Variants in SYT5 observed in about 807,000 individuals in gnomAD.
SYT5 encodes the protein synaptotagmin 5, also known as synaptotagmin-5.
SYT5 carries 29 observed loss-of-function variants against 36.0 expected under a neutral mutation model. That is an observed-to-expected ratio of 0.81 (90% confidence interval 0.60 to 1.10). The LOEUF is 1.10. SYT5 is among the 50% of genes least tolerant of loss of function. The pLI is 0.00. For synonymous variants in SYT5, 231 were observed against 227.6 expected, an observed-to-expected ratio of 1.02 and a Z score of -0.14; for missense variants, 512 against 516.0, an observed-to-expected ratio of 0.99 and a Z score of 0.08.
chr19:55,178,113 G>A (rs2086097245), intron 3 of SYT5, 83 bp downstream of exon 3: 1 of 1,479,394 alleles, frequency 6.8e-7, no homozygotes, highest in Non-Finnish European at 9.1e-7. Flanking sequence ...GGACAGAAGG[G>A]AGCAGGGACT....
At chr19:55,176,391 G>C (rs949805153) in intron 3 of SYT5, 4 of 488,658 alleles carry the variant, frequency 8.2e-6, no homozygotes, top group Non-Finnish European at 1.5e-5. Flanking sequence ...ATTAAAACAA[G>C]TGCTGATAGT....
At chr19:55,176,368 T>G in intron 3 of SYT5, 1 of 537,002 alleles carries the variant, frequency 1.9e-6, no homozygotes. Context: ...AGACATGTGC[T>G]TGTCATGCTT....
rs5828614 is a variant in SYT5 at position 55,178,753 on chromosome 19, A to ATTTT, written c.79+206_79+209dup. On this transcript the variant is annotated intron_variant, in intron 2 of 8. Transcript: ENST00000354308. ...TGCAACACCCCTTGATCCGGTTTCG[A>ATTTT]TTTTTTTTTTTTTTTTTTTTTTTTT... 6.5e-4 allele frequency among the ~76,000 whole-genome samples: 33 copies of ATTTT among 50,486 alleles called. 2 individuals carry two copies. Among genetic ancestry groups the ATTTT allele is most frequent in the African/African-American group, 2.9e-3 (30 of 10,288 alleles). The allele number at this position is 50,486 out of a possible 152,430, so 33.1% of individuals were successfully genotyped here. A position where few individuals can be genotyped will look rare whatever the true frequency, so the allele number is the denominator to read the frequency against.
chr19:55,174,171 C>T (rs1843919646), intron 8 of SYT5: 2 of 221,380 alleles, frequency 9.0e-6, no homozygotes, highest in Non-Finnish European at 1.8e-5. Flanking sequence ...GCATCCTGGT[C>T]CTGCTTGGGG....
Position 55,173,597 on chromosome 19 carries a change from C to T in SYT5, c.1048G>A (p.Gly350Ser). The T allele has an allele frequency of 6.8e-7, 1 of 1,478,554 alleles. No homozygotes were observed. Among genetic ancestry groups the T allele is most frequent in the Non-Finnish European group, 9.0e-7 (1 of 1,115,090 alleles). 91.6% of individuals were successfully genotyped at this position (1,478,554 alleles called of 1,614,324 possible). A position where few individuals can be genotyped will look rare whatever the true frequency, so the allele number is the denominator to read the frequency against. ...IGRVAVGAAA[G>S]GAGLRHWADM... ...GCCCAGTGCCGCAGGCCAGCCCCGC[C>T]GGCGGCCGCCCCCACGGCCACCCTC... Residue 350 changes from glycine to serine, a missense_variant, in exon 9 of 9, where the codon GGC (glycine) becomes AGC (serine). Physicochemically the swap from Gly to Ser is moderately conservative, Grantham distance 56 (BLOSUM62 0). Coordinates refer to ENST00000354308, the MANE Select transcript of SYT5 (RefSeq NM_003180.3). This position sits in a 1 kb window ranked among gnomAD's most constrained non-coding sequence, Gnocchi z 5.4.
In SYT5 at chr19:55,179,196, C is replaced by T. The variant is rs1034862806; in HGVS notation, c.-45-110G>A. ...AGCCGCGCAGAAACCGGACAGCCAC[C>T]GCGAGTCATGCTGGGAGTTGTAGTA... On this transcript the variant is annotated intron_variant, in intron 1 of 8. Transcript: ENST00000354308. The surrounding 1 kb of genome is among the most constrained non-coding windows in gnomAD (Gnocchi z 4.5). The T allele has an allele frequency of 1.0e-5, 16 of 1,532,204 alleles. No individual in the cohort carries two copies. The highest frequency in any genetic ancestry group is 2.7e-5 in the African/African-American group (2 of 72,812). The allele number at this position is 1,532,204 out of a possible 1,614,324, so 94.9% of individuals were successfully genotyped here.
At chr19:55,178,671 T>C (rs1481834909) in intron 2 of SYT5, among the ~76,000 whole-genome samples, 1 of 151,830 alleles carries the variant, frequency 6.6e-6, no homozygotes, top group Non-Finnish European at 1.5e-5. Flanking sequence ...TCGGGCCTGT[T>C]TCCTTATCTG....
chr19:55,178,859 AT>A, intron 2 of SYT5, 103 bp downstream of exon 2: 1 of 1,113,094 alleles, frequency 9.0e-7, no homozygotes, highest in South Asian at 2.3e-5. Flanking sequence ...TCCCAGCCGG[AT>A]TTTCCAGCCC....
At position 55,175,285 on chromosome 19, in the gene SYT5, C is replaced by G; in HGVS notation, c.595G>C (p.Asp199His). Residue 199 changes from aspartate to histidine, a missense_variant, in exon 6 of 9, where the codon GAC (aspartate) becomes CAC (histidine). Physicochemically the swap from Asp to His is moderately conservative, Grantham distance 81. Coordinates refer to ENST00000354308, the MANE Select transcript of SYT5 (RefSeq NM_003180.3). This position sits in a 1 kb window ranked among gnomAD's most constrained non-coding sequence, Gnocchi z 4.5. The stretch of plus-strand genomic sequence containing the variant: ...ATGGCGTCATTGCGAGAGAAGCGGT[C>G]GAAGTCGTACACCGCCATGACCAGC... ...RVLVMAVYDF[D>H]RFSRNDAIGE... 2 of 1,592,620 alleles carry G rather than the reference C, an allele frequency of 1.3e-6. No individual in the cohort carries two copies. The highest frequency in any genetic ancestry group is 1.7e-4 in the Middle Eastern group (1 of 5,968).
Position 55,175,472 on chromosome 19 carries a change from A to G in SYT5, c.541-133T>C. The G allele has an allele frequency of 8.7e-7, 1 of 1,152,496 alleles. No individual in the cohort carries two copies. The highest frequency in any genetic ancestry group is 1.2e-6 in the Non-Finnish European group (1 of 838,502). The allele number at this position is 1,152,496 out of a possible 1,614,324, so 71.4% of individuals were successfully genotyped here. On this transcript the variant is annotated intron_variant, in intron 5 of 8. Coordinates refer to ENST00000354308, the MANE Select transcript of SYT5 (RefSeq NM_003180.3). The surrounding 1 kb of genome is among the most constrained non-coding windows in gnomAD (Gnocchi z 4.5). ...ACAGTTGGGGGAACTCAAATGGGAA[A>G]GTCCAGGGATCCATGCGGAAAAAAA...
Position 55,172,616 on chromosome 19 carries a change from G to A in SYT5, c.*868C>T, listed in dbSNP as rs1568873966. The stretch of plus-strand genomic sequence containing the variant: ...TCTGGAGATTGTATTCCCTGGCTCC[G>A]CGCCTCTCCTTTGTTTTGATGGCAG... On this transcript the variant is annotated 3_prime_UTR_variant, in exon 9 of 9. Transcript: ENST00000354308. The A allele has an allele frequency of 6.6e-6, 1 of 152,160 alleles. No individual in the cohort carries two copies. The highest frequency in any genetic ancestry group is 2.4e-5 in the African/African-American group (1 of 41,412). 9.4% of individuals were successfully genotyped at this position (152,160 alleles called of 1,614,324 possible).
chr19:55,178,045 G>T, intron 3 of SYT5, 151 bp downstream of exon 3: 1 of 873,170 alleles, frequency 1.1e-6, no homozygotes, highest in Non-Finnish European at 1.7e-6. Flanking sequence ...TGGGTCCCCA[G>T]AGTCCAGTTG....
In SYT5 at chr19:55,175,490, G is replaced by GA. The variant is rs770562373; in HGVS notation, c.541-152dup. ...ATGGGAAAGTCCAGGGATCCATGCG[G>GA]AAAAAAATCACGGGTCAGTGGAACC... On this transcript the variant is annotated intron_variant, in intron 5 of 8. Coordinates refer to ENST00000354308, the MANE Select transcript of SYT5 (RefSeq NM_003180.3). The surrounding 1 kb of genome is among the most constrained non-coding windows in gnomAD (Gnocchi z 4.5). The GA allele has an allele frequency of 8.8e-7, 1 of 1,132,384 alleles. No individual in the cohort carries two copies. Among genetic ancestry groups the GA allele is most frequent in the East Asian group, 2.6e-5 (1 of 38,626 alleles). 70.1% of individuals were successfully genotyped at this position (1,132,384 alleles called of 1,614,324 possible). A position where few individuals can be genotyped will look rare whatever the true frequency, so the allele number is the denominator to read the frequency against.
Position 55,173,475 on chromosome 19 carries a change from G to C in SYT5, c.*9C>G, listed in dbSNP as rs200487998. ...GAGTCCAGGCTTGGCCGGGGGCTTGGGGTGGGAGTCAGGGCGCAGGCAGCA... is the reference window on the plus strand; with the variant it reads ...GAGTCCAGGCTTGGCCGGGGGCTTGCGGTGGGAGTCAGGGCGCAGGCAGCA... On this transcript the variant is annotated 3_prime_UTR_variant, in exon 9 of 9. Coordinates refer to ENST00000354308, the MANE Select transcript of SYT5 (RefSeq NM_003180.3). The surrounding 1 kb of genome is among the most constrained non-coding windows in gnomAD (Gnocchi z 5.4). 4 of 1,357,336 alleles carry C rather than the reference G, an allele frequency of 2.9e-6. No individual in the cohort carries two copies. The highest frequency in any genetic ancestry group is 3.8e-6 in the Non-Finnish European group (4 of 1,056,010). The allele number at this position is 1,357,336 out of a possible 1,614,324, so 84.1% of individuals were successfully genotyped here.
chr19:55,173,471 C>A lies in SYT5; in HGVS notation c.*13G>T. On this transcript the variant is annotated 3_prime_UTR_variant, in exon 9 of 9. Coordinates refer to ENST00000354308, the MANE Select transcript of SYT5 (RefSeq NM_003180.3). This position sits in a 1 kb window ranked among gnomAD's most constrained non-coding sequence, Gnocchi z 5.4. Reference sequence around the variant, plus strand: ...GCTAGAGTCCAGGCTTGGCCGGGGGCTTGGGGTGGGAGTCAGGGCGCAGGC... The same window carrying A: ...GCTAGAGTCCAGGCTTGGCCGGGGGATTGGGGTGGGAGTCAGGGCGCAGGC... 7.4e-7 allele frequency: 1 copy of A among 1,347,922 alleles called. No individual in the cohort carries two copies. Among genetic ancestry groups the A allele is most frequent in the Non-Finnish European group, 9.5e-7 (1 of 1,050,916 alleles). The allele number at this position is 1,347,922 out of a possible 1,614,324, so 83.5% of individuals were successfully genotyped here.
Position 55,175,807 on chromosome 19 carries a change from C to T in SYT5, c.442G>A (p.Val148Met). The change falls in exon 5 of 9, where the codon GTG (valine) becomes ATG (methionine). Residue 148 changes from valine (V) to methionine (M), a missense_variant. Coordinates refer to ENST00000354308, the MANE Select transcript of SYT5 (RefSeq NM_003180.3). The surrounding 1 kb of genome is among the most constrained non-coding windows in gnomAD (Gnocchi z 4.5). Reference sequence around the variant, plus strand: ...TTGTCCGGCAGCAGGTAGACCCGCACATAGGGGTCCGAGGAGCCACCAAGA... The same window carrying T: ...TTGTCCGGCAGCAGGTAGACCCGCATATAGGGGTCCGAGGAGCCACCAAGA... ...LDLGGSSDPY[V>M]RVYLLPDKRR... 1 of 1,614,212 alleles carries T rather than the reference C, an allele frequency of 6.2e-7. No individual in the cohort carries two copies. The highest frequency in any genetic ancestry group is 8.5e-7 in the Non-Finnish European group (1 of 1,180,030).
In SYT5 at chr19:55,173,585, G is replaced by A. The variant is rs2086029590; in HGVS notation, c.1060C>T (p.Leu354=). 1.4e-6 allele frequency: 2 copies of A among 1,479,376 alleles called. No homozygotes were observed. The highest frequency in any genetic ancestry group is 9.0e-7 in the Non-Finnish European group (1 of 1,115,976). The allele number at this position is 1,479,376 out of a possible 1,614,324, so 91.6% of individuals were successfully genotyped here. Reference sequence around the variant, plus strand: ...GCCAGCATGTCCGCCCAGTGCCGCAGGCCAGCCCCGCCGGCGGCCGCCCCC... The same window carrying A: ...GCCAGCATGTCCGCCCAGTGCCGCAAGCCAGCCCCGCCGGCGGCCGCCCCC... ...AVGAAAGGAG[L]RHWADMLANP... Residue 354 remains leucine (L), a synonymous_variant, in exon 9 of 9, where the codon CTG becomes TTG. Coordinates refer to ENST00000354308, the MANE Select transcript of SYT5 (RefSeq NM_003180.3). The surrounding 1 kb of genome is among the most constrained non-coding windows in gnomAD (Gnocchi z 5.4).
Position 55,172,452 on chromosome 19 carries a change from C to CAA in SYT5, c.*1030_*1031dup, listed in dbSNP as rs1233616476. ...ACAAAAACAAAAACAAAAAAACAAA[C>CAA]AAACAAAAAAAAAACAAGAGAAAAA... On this transcript the variant is annotated 3_prime_UTR_variant, in exon 9 of 9. Transcript: ENST00000354308. 1.4e-4 allele frequency: 18 copies of CAA among 131,148 alleles called. No homozygotes were observed. Among genetic ancestry groups the CAA allele is most frequent in the African/African-American group, 4.9e-4 (17 of 34,358 alleles). The allele number at this position is 131,148 out of a possible 1,614,324, so 8.1% of individuals were successfully genotyped here.
chr19:55,179,401 G>A lies in SYT5; in HGVS notation c.-45-315C>T. 1.9e-6 allele frequency: 1 copy of A among 527,460 alleles called. No homozygotes were observed. Among genetic ancestry groups the A allele is most frequent in the Non-Finnish European group, 3.0e-6 (1 of 327,950 alleles). 32.7% of individuals were successfully genotyped at this position (527,460 alleles called of 1,614,324 possible). A position where few individuals can be genotyped will look rare whatever the true frequency, so the allele number is the denominator to read the frequency against. On this transcript the variant is annotated intron_variant, in intron 1 of 8. Coordinates refer to ENST00000354308, the MANE Select transcript of SYT5 (RefSeq NM_003180.3). This position sits in a 1 kb window ranked among gnomAD's most constrained non-coding sequence, Gnocchi z 4.5. ...GGGAACCAGCAGACCGCGTTGCCCA[G>A]AGCAACAGCCGGGCTCCTCTCAAGC...
Sources: gnomAD v4.1 joint callset for allele counts (sites outside exome capture counted in the v4.1 genomes callset) on GRCh38, gnomAD v4.1.1 for gene constraint, Gnocchi (gnomAD v3.1) non-coding constraint, MANE v1.5 for transcripts, NCBI Gene and HGNC (gene_info 2026-07-23, HGNC 2026-07-21) for gene names.